SUN1: variants seen among roughly 807,000 people sequenced by gnomAD.
SUN1 encodes the protein SUN domain-containing protein 1.
SUN1 carries 61 observed loss-of-function variants against 103.2 expected under a neutral mutation model. The observed-to-expected ratio is 0.59, with a 90% CI of 0.48 to 0.73. SUN1 has a LOEUF of 0.73. Among genes scored for constraint, SUN1 ranks in the 30% least tolerant of loss-of-function variants. SUN1 has a pLI of 0.00. For missense variants in SUN1, 1,052 were observed against 1,034.6 expected (o/e 1.02, Z -0.23); for synonymous variants, 490 against 425.7 (o/e 1.15, Z -1.86).
chr7:873,631 A>T lies in SUN1; in HGVS notation c.*300A>T, dbSNP rs1843064158. On this transcript the variant is annotated 3_prime_UTR_variant, in exon 19 of 19. Transcript: ENST00000401592. ...TGCATTTGCATTTCCTCAACAAAGG[A>T]GCAAAGCAGAGGAAGCTGAGAGTCT... 1 of 291,586 alleles carries T rather than the reference A, an allele frequency of 3.4e-6. No homozygotes were observed. The highest frequency in any genetic ancestry group is 6.5e-6 in the Non-Finnish European group (1 of 154,944). The allele number at this position is 291,586 out of a possible 1,614,324, so 18.1% of individuals were successfully genotyped here.
chr7:839,249 A>C (rs1806612682), intron 2 of SUN1: 1 of 377,918 alleles, frequency 2.6e-6, no homozygotes, highest in South Asian at 8.8e-5. Flanking sequence ...GGTGCACGCC[A>C]CGTGCAGTGC....
chr7:865,633 G>A (rs1418115766), intron 15 of SUN1, among the ~76,000 whole-genome samples: 1 of 152,148 alleles, frequency 6.6e-6, no homozygotes, highest in Non-Finnish European at 1.5e-5. Context: ...TCATATGGTA[G>A]CTCTGTTTTT....
At chr7:827,080 C>T (rs760681668) in intron 1 of SUN1, among the ~76,000 whole-genome samples, 25 of 151,686 alleles carry the variant, frequency 1.6e-4, no homozygotes, top group Non-Finnish European at 2.9e-4. Context: ...TGGAGTGCAG[C>T]GGCAGATCTC....
intron 18 of SUN1, among the ~76,000 whole-genome samples, chr7:872,959 C>A (rs1466562286): frequency 6.6e-6 from 1 of 152,146 alleles, no homozygotes; most frequent in Non-Finnish European, 1.5e-5. Flanking sequence ...TGGTGGCGCA[C>A]GCCTGTAATC....
Position 874,141 on chromosome 7 carries a change from C to T in SUN1, c.*810C>T, listed in dbSNP as rs1307042088. 2.0e-5 allele frequency: 3 copies of T among 152,184 alleles called. No homozygotes were observed. The highest frequency in any genetic ancestry group is 4.4e-5 in the Non-Finnish European group (3 of 68,022). 9.4% of individuals were successfully genotyped at this position (152,184 alleles called of 1,614,324 possible). The stretch of plus-strand genomic sequence containing the variant: ...TTTTCAGGGCTTGTTTTGAGTTTTG[C>T]TGAATAGGGAGCGCAAGACGCCCTG... On this transcript the variant is annotated 3_prime_UTR_variant, in exon 19 of 19. Transcript: ENST00000401592.
intron 2 of SUN1, among the ~76,000 whole-genome samples, chr7:840,140 T>C (rs1212092609): frequency 6.6e-6 from 1 of 152,200 alleles, no homozygotes; most frequent in Non-Finnish European, 1.5e-5. Context: ...GGCGGAATGG[T>C]TGATGGGTGG....
chr7:831,195 A>C (rs1797609177), upstream of SUN1, among the ~76,000 whole-genome samples: 1 of 151,946 alleles, frequency 6.6e-6, no homozygotes, highest in Admixed American at 6.6e-5. Context: ...AGCAAGTGTG[A>C]ACTGGACTTG....
intron 15 of SUN1, among the ~76,000 whole-genome samples, chr7:865,018 C>G (rs1438088884): frequency 6.6e-6 from 1 of 152,182 alleles, no homozygotes; most frequent in Non-Finnish European, 1.5e-5. Context: ...CCCTTCTACC[C>G]TCTCTGTCCA....
intron 9 of SUN1, 128 bp from the exon 10 acceptor site, chr7:853,281 A>G: frequency 9.4e-7 from 1 of 1,063,968 alleles, no homozygotes; most frequent in Admixed American, 2.2e-5. Flanking sequence ...GTTTCTGTGG[A>G]TTCCTCCATT....
intron 11 of SUN1, 114 bp from the exon 12 acceptor site, chr7:856,244 C>A: frequency 1.8e-6 from 2 of 1,097,850 alleles, no homozygotes; most frequent in Non-Finnish European, 2.7e-6. Context: ...CAGATCTGGA[C>A]TTTGAATTAA....
At position 849,438 on chromosome 7, in the gene SUN1, T is replaced by G. The variant is rs1021319870; in HGVS notation, c.659-1946T>G. ...GTGGCTAGCCTTGCACATCCTCTGATCATGTTGACTTCATCAGGGTGCGAG... is the reference window on the plus strand; with the variant it reads ...GTGGCTAGCCTTGCACATCCTCTGAGCATGTTGACTTCATCAGGGTGCGAG... On this transcript the variant is annotated intron_variant, in intron 5 of 18. Coordinates refer to ENST00000401592, the MANE Select transcript of SUN1 (RefSeq NM_001130965.3). 1.1e-5 allele frequency: 12 copies of G among 1,063,130 alleles called. No individual in the cohort carries two copies. In the East Asian group the frequency reaches 5.9e-4, roughly 53 times the overall value. 65.9% of individuals were successfully genotyped at this position (1,063,130 alleles called of 1,614,324 possible).
At chr7:852,580 A>G (rs750292973) in intron 7 of SUN1, 29 bp from the exon 8 acceptor site, 2 of 1,613,610 alleles carry the variant, frequency 1.2e-6, no homozygotes, top group Non-Finnish European at 1.7e-6. Context: ...CATTTTTTCT[A>G]AGTCAAAGGT....
intron 2 of SUN1, 164 bp downstream of exon 2, chr7:839,150 C>A: frequency 1.6e-6 from 1 of 608,046 alleles, no homozygotes; most frequent in Non-Finnish European, 2.6e-6. Context: ...TGGTAGTTTG[C>A]TGCAAATAAA....
Position 820,988 on chromosome 7 carries a change from T to G in SUN1, c.-74+4315T>G, listed in dbSNP as rs975794409. 1.2e-3 allele frequency among the ~76,000 whole-genome samples: 189 copies of G among 152,128 alleles called. 2 individuals are homozygous for G. Among genetic ancestry groups the G allele is most frequent in the African/African-American group, 4.5e-3 (188 of 41,418 alleles). On this transcript the variant is annotated intron_variant, in intron 1 of 17. Transcript: ENST00000389574. The stretch of plus-strand genomic sequence containing the variant: ...CTCCATTGCATGCTTATGACTCAAC[T>G]TCTTCTGGCCTAAGTCAGTTTTTAT...
At position 858,821 on chromosome 7, in the gene SUN1, C is replaced by A. The variant is rs900663852; in HGVS notation, c.1524+864C>A. 9.2e-5 allele frequency among the ~76,000 whole-genome samples: 14 copies of A among 152,132 alleles called. 1 individual carries two copies. The highest frequency in any genetic ancestry group is 5.9e-5 in the Non-Finnish European group (4 of 68,016). On this transcript the variant is annotated intron_variant, in intron 13 of 18. Transcript: ENST00000401592. The stretch of plus-strand genomic sequence containing the variant: ...AAGATTATCTCTGATGTGCAGAGAG[C>A]CCCTATAATGGGTAGGAAGAGAAGC...
chr7:848,360 A>T, intron 5 of SUN1: 1 of 1,303,010 alleles, frequency 7.7e-7, no homozygotes, highest in South Asian at 1.3e-5. Context: ...CTGACTTATC[A>T]GGAAGTAGAT....
chr7:825,829 T>A (rs1791213113), intron 1 of SUN1, among the ~76,000 whole-genome samples: 1 of 152,170 alleles, frequency 6.6e-6, no homozygotes, highest in African/African-American at 2.4e-5. Flanking sequence ...TTTTTATTAG[T>A]CTCTACATTA....
In SUN1 at chr7:873,484, G is replaced by T; in HGVS notation, c.*153G>T. On this transcript the variant is annotated 3_prime_UTR_variant, in exon 19 of 19. Coordinates refer to ENST00000401592, the MANE Select transcript of SUN1 (RefSeq NM_001130965.3). ...TGGCCAGAGGACGTGAGCGTGTGAC[G>T]GGCGCCTTGGCGCCACCTGTTGGGT... 5.2e-6 allele frequency: 4 copies of T among 767,360 alleles called. No individual in the cohort carries two copies. The South Asian group carries it at 7.3e-5, about 14-fold the overall frequency. 47.5% of individuals were successfully genotyped at this position (767,360 alleles called of 1,614,324 possible).
chr7:832,047 G>A, upstream of SUN1: 1 of 988,330 alleles, frequency 1.0e-6, no homozygotes, highest in Non-Finnish European at 1.2e-6. Flanking sequence ...AGATGCTTGT[G>A]AGAGCTTCAG....
Sources: allele counts gnomAD v4.1 joint callset (sites outside exome capture counted in the v4.1 genomes callset), GRCh38; gene constraint gnomAD v4.1.1; transcripts MANE v1.5; gene names NCBI Gene and HGNC (gene_info 2026-07-23, HGNC 2026-07-21).